The following PAK3 variants were observed in gnomAD, a reference collection of about 807,000 sequenced individuals.
PAK3 encodes p21 (RAC1) activated kinase 3.
PAK3 carries 4 observed loss-of-function variants against 41.0 expected under a neutral mutation model. The ratio of observed to expected loss-of-function variants is 0.10; its 90% CI spans 0.05 to 0.22. The LOEUF (loss-of-function observed/expected upper bound fraction) is 0.22. PAK3 is among the 10% of genes least tolerant of loss of function. The pLI is 1.00. For missense variants in PAK3, 205 were observed against 409.9 expected (o/e 0.50, Z 4.32); for synonymous variants, 146 against 139.6 (o/e 1.05, Z -0.32).
chrX:111,002,587 C>T (rs2091865673), intron 1 of PAK3, among the ~76,000 whole-genome samples: 2 of 111,542 alleles, frequency 1.8e-5, no homozygotes, highest in South Asian at 7.6e-4. Context: ...TCTGGCATCC[C>T]AACTTGAAAG....
chrX:111,184,081 A>C (rs1333682027), intron 11 of PAK3, among the ~76,000 whole-genome samples: 1 of 111,402 alleles, frequency 9.0e-6, no homozygotes, highest in Non-Finnish European at 1.9e-5. Context: ...TGAGGAAGTT[A>C]AACTGGATGT....
intron 5 of PAK3, among the ~76,000 whole-genome samples, chrX:111,136,304 C>A (rs2093788753): frequency 9.0e-6 from 1 of 111,646 alleles, no homozygotes; most frequent in South Asian, 3.8e-4. Flanking sequence ...ATCATAAGCA[C>A]CAACCAATCT....
chrX:111,193,765 CAAAAAACAAAAACAAAA>C (rs1352799671), intron 13 of PAK3, among the ~76,000 whole-genome samples: 20 of 105,722 alleles, frequency 1.9e-4, no homozygotes, highest in African/African-American at 7.3e-4. Flanking sequence ...AAACAAAAAA[CAAAAAACAAAAACAAAA>C]AAAAACAAAA....
intron 17 of PAK3, among the ~76,000 whole-genome samples, chrX:111,217,958 A>G (rs1455240768): frequency 2.7e-5 from 3 of 112,510 alleles, no homozygotes; most frequent in African/African-American, 9.7e-5. Context: ...TTCATTCCCC[A>G]ACAATACTTT....
At chrX:110,999,110 T>C (rs1046612381) in intron 1 of PAK3, among the ~76,000 whole-genome samples, 1 of 111,812 alleles carries the variant, frequency 8.9e-6, no homozygotes, top group Non-Finnish European at 1.9e-5. Context: ...CCAAAAGAGA[T>C]GCCCCTTTGC....
intron 1 of PAK3, among the ~76,000 whole-genome samples, chrX:111,068,954 G>C (rs1354331761): frequency 3.6e-5 from 4 of 112,028 alleles, no homozygotes; most frequent in Non-Finnish European, 7.5e-5. Context: ...GTCCTGCATA[G>C]CTGATTTCTG....
intron 1 of PAK3, among the ~76,000 whole-genome samples, chrX:111,090,463 A>T (rs1171164117): frequency 9.0e-6 from 1 of 111,642 alleles, no homozygotes; most frequent in Non-Finnish European, 1.9e-5. Context: ...GTCTGAGAGG[A>T]TCTCCACCAT....
intron 1 of PAK3, among the ~76,000 whole-genome samples, chrX:111,089,817 TC>T (rs757640323): frequency 2.7e-4 from 30 of 110,929 alleles, no homozygotes; most frequent in Admixed American, 3.8e-4. Flanking sequence ...AATTTAGACT[TC>T]TTTTGTAGTA....
intron 4 of PAK3, among the ~76,000 whole-genome samples, chrX:111,108,446 T>C (rs1306275236): frequency 5.3e-5 from 6 of 112,311 alleles, no homozygotes; most frequent in African/African-American, 1.9e-4. Context: ...TGTTAGGAAC[T>C]GGGCAGCACA....
intron 1 of PAK3, among the ~76,000 whole-genome samples, chrX:111,034,402 A>C (rs1050655157): frequency 1.8e-5 from 2 of 111,875 alleles, no homozygotes; most frequent in Non-Finnish European, 3.8e-5. Flanking sequence ...TTCAATGACC[A>C]CATTGTCATT....
chrX:111,062,343 T>A (rs1300589233), intron 1 of PAK3, among the ~76,000 whole-genome samples: 1 of 112,314 alleles, frequency 8.9e-6, no homozygotes, highest in East Asian at 2.8e-4. Flanking sequence ...TTTATGAAGA[T>A]AAGTTGGTCC....
chrX:111,202,215 C>T lies in PAK3; in HGVS notation c.1407+5575C>T, dbSNP rs773970013. ...TATTGTTAATGCAATGAATTAACTA[C>T]TTTTCCCCTTAGTTAGAAAGTGGCT... On this transcript the variant is annotated intron_variant, in intron 16 of 17. Transcript: ENST00000372007. 6.3e-5 allele frequency among the ~76,000 whole-genome samples: 7 copies of T among 111,958 alleles called. No homozygotes were observed. In the South Asian group the frequency reaches 2.6e-3, roughly 42 times the overall value.
intron 1 of PAK3, among the ~76,000 whole-genome samples, chrX:111,019,134 T>C (rs1424241825): frequency 9.0e-6 from 1 of 111,115 alleles, no homozygotes; most frequent in Non-Finnish European, 1.9e-5. Context: ...ACTAAAACTA[T>C]AAAACTCTTA....
At chrX:111,090,121 A>T (rs982308078) in intron 1 of PAK3, among the ~76,000 whole-genome samples, 1 of 110,360 alleles carries the variant, frequency 9.1e-6, no homozygotes, top group African/African-American at 3.3e-5. Flanking sequence ...AAAGCCCACA[A>T]CCAATCTCCC....
chrX:111,097,509 T>A (rs2093030025), intron 2 of PAK3, 53 bp downstream of exon 2: 1 of 109,488 alleles, frequency 9.1e-6, no homozygotes, highest in African/African-American at 3.3e-5. Flanking sequence ...GTGCTATTTT[T>A]AAAAAACGGC....
intron 5 of PAK3, among the ~76,000 whole-genome samples, chrX:111,128,402 A>G (rs748960453): frequency 1.8e-5 from 2 of 112,268 alleles, no homozygotes; most frequent in Non-Finnish European, 3.8e-5. Flanking sequence ...CCTACCATTT[A>G]CTAACTAGTT....
At chrX:111,064,581 A>G (rs1420737045) in intron 1 of PAK3, among the ~76,000 whole-genome samples, 1 of 111,756 alleles carries the variant, frequency 8.9e-6, no homozygotes, top group Non-Finnish European at 1.9e-5. Context: ...ATTCAATTAA[A>G]TAATGGTCTC....
At chrX:111,160,382 G>C (rs1350630281) in intron 8 of PAK3, among the ~76,000 whole-genome samples, 1 of 110,796 alleles carries the variant, frequency 9.0e-6, no homozygotes, top group East Asian at 2.8e-4. Flanking sequence ...TTGATATTAA[G>C]TATACAATAT....
At chrX:111,153,886 A>G (rs1333187968) in intron 8 of PAK3, among the ~76,000 whole-genome samples, 1 of 112,120 alleles carries the variant, frequency 8.9e-6, no homozygotes, top group African/African-American at 3.2e-5. Flanking sequence ...AAATGGTGGA[A>G]GCAACCCAAG....
Sources: allele counts gnomAD v4.1 joint callset (sites outside exome capture counted in the v4.1 genomes callset), GRCh38; gene constraint gnomAD v4.1.1; transcripts MANE v1.5; gene names NCBI Gene and HGNC (gene_info 2026-07-23, HGNC 2026-07-21).